The following C16orf87 variants were observed in gnomAD, a reference collection of about 807,000 sequenced individuals.
The protein encoded by C16orf87 is UPF0547 protein C16orf87.
C16orf87 carries 13 observed loss-of-function variants against 21.0 expected under a neutral mutation model. The observed-to-expected ratio is 0.62, with a 90% CI of 0.40 to 0.98. C16orf87 has a LOEUF of 0.98. Among genes scored for constraint, C16orf87 ranks in the 50% least tolerant of loss-of-function variants. The pLI is 0.00. For missense variants in C16orf87, 113 were observed against 180.4 expected, an observed-to-expected ratio of 0.63 and a Z score of 2.14; for synonymous variants, 49 against 60.2, an observed-to-expected ratio of 0.81 and a Z score of 0.86.
chr16:46,803,510 T>C (rs567955465), intron 3 of C16orf87, among the ~76,000 whole-genome samples: 54 of 152,232 alleles, frequency 3.5e-4, no homozygotes, highest in Non-Finnish European at 1.5e-5. Context: ...CGATTACAAA[T>C]GTAATCCAAG....
At chr16:46,830,921 A>C in intron 1 of C16orf87, 163 bp downstream of exon 1, 2 of 408,016 alleles carry the variant, frequency 4.9e-6, no homozygotes, top group Non-Finnish European at 4.3e-6. Context: ...TTTCCCGGGA[A>C]ACCCCTCGGT....
At chr16:46,807,422 G>GA (rs879866943) in intron 3 of C16orf87, among the ~76,000 whole-genome samples, 75 of 137,466 alleles carry the variant, frequency 5.5e-4, no homozygotes, top group South Asian at 2.1e-3. Context: ...ATCTCAGAAG[G>GA]AAAAAAAAAA....
chr16:46,806,053 G>C (rs1334324975), intron 3 of C16orf87, among the ~76,000 whole-genome samples: 1 of 151,956 alleles, frequency 6.6e-6, no homozygotes, highest in East Asian at 1.9e-4. Context: ...GTCCTGGTGG[G>C]CTACTCATAA....
chr16:46,825,473 T>C (rs1257889967), intron 1 of C16orf87, among the ~76,000 whole-genome samples: 2 of 152,322 alleles, frequency 1.3e-5, no homozygotes, highest in South Asian at 2.1e-4. Context: ...TAGGTGTACA[T>C]GTTTATGGGG....
In C16orf87 at chr16:46,810,147, T is replaced by G. The variant is rs557587196; in HGVS notation, c.164-362A>C. ...TGAAATATTAAGAAAGGAAAAAAAC[T>G]GCATGCCCTTTTGCCCTCTACCTGA... On this transcript the variant is annotated intron_variant, in intron 2 of 3. Coordinates refer to ENST00000285697, the MANE Select transcript of C16orf87 (RefSeq NM_001001436.4). 2.6e-5 allele frequency among the ~76,000 whole-genome samples: 4 copies of G among 152,294 alleles called. No individual in the cohort carries two copies. In the East Asian group the frequency reaches 7.7e-4, roughly 29 times the overall value.
intron 1 of C16orf87, 182 bp downstream of exon 1, chr16:46,830,902 C>T (rs1165607153): frequency 1.5e-5 from 6 of 397,176 alleles, no homozygotes; most frequent in Non-Finnish European, 2.2e-5. Flanking sequence ...CGGGCCACGG[C>T]CCCGGGCTTT....
At chr16:46,806,301 A>C (rs996862193) in intron 3 of C16orf87, among the ~76,000 whole-genome samples, 10 of 134,122 alleles carry the variant, frequency 7.5e-5, no homozygotes, top group Non-Finnish European at 1.5e-4. Context: ...CTCTGTCTCC[A>C]GGCTGGAGCA....
At chr16:46,816,078 T>G (rs1968229798) in intron 2 of C16orf87, among the ~76,000 whole-genome samples, 1 of 152,318 alleles carries the variant, frequency 6.6e-6, no homozygotes, top group Admixed American at 6.5e-5. Context: ...GTCATGCATG[T>G]TACAACATGA....
chr16:46,816,972 G>A (rs1169735906), intron 2 of C16orf87, among the ~76,000 whole-genome samples: 3 of 152,330 alleles, frequency 2.0e-5, no homozygotes, highest in Non-Finnish European at 2.9e-5. Context: ...TAAGGTGGAA[G>A]AAAGAGAAGA....
intron 3 of C16orf87, among the ~76,000 whole-genome samples, chr16:46,805,435 C>T (rs896581462): frequency 2.0e-5 from 3 of 152,000 alleles, no homozygotes; most frequent in African/African-American, 7.2e-5. Context: ...GTTCATTTTC[C>T]AACTGGCTTT....
intron 2 of C16orf87, among the ~76,000 whole-genome samples, chr16:46,817,938 A>C (rs1021648675): frequency 1.3e-5 from 2 of 150,812 alleles, no homozygotes; most frequent in African/African-American, 2.4e-5. Context: ...AAAAAAAAAA[A>C]ACCACAAAAA....
Position 46,800,690 on chromosome 16 carries a change from G to GT in C16orf87, c.*2261dup, listed in dbSNP as rs1349000805. ...CTTAGGACATCTGCTGATGACAGAG[G>GT]TTTCTCTGACACCAGTGACAAAGTA... On this transcript the variant is annotated 3_prime_UTR_variant, in exon 4 of 4. Transcript: ENST00000285697. The GT allele has an allele frequency of 6.6e-6, 1 of 152,076 alleles. No homozygotes were observed. The highest frequency in any genetic ancestry group is 1.5e-5 in the Non-Finnish European group (1 of 68,014). The allele number at this position is 152,076 out of a possible 1,614,324, so 9.4% of individuals were successfully genotyped here.
intron 2 of C16orf87, among the ~76,000 whole-genome samples, chr16:46,818,820 G>A (rs909434722): frequency 2.0e-5 from 3 of 152,112 alleles, no homozygotes; most frequent in Admixed American, 6.5e-5. Context: ...CTCCCAAGTA[G>A]CTGAGACAAC....
At chr16:46,820,450 T>A (rs1959374771) in intron 2 of C16orf87, among the ~76,000 whole-genome samples, 1 of 152,242 alleles carries the variant, frequency 6.6e-6, no homozygotes, top group Non-Finnish European at 1.5e-5. Context: ...AACAAGCTCA[T>A]ATCCAAGTAT....
intron 2 of C16orf87, among the ~76,000 whole-genome samples, chr16:46,819,281 C>T (rs1040297726): frequency 1.3e-5 from 2 of 152,068 alleles, no homozygotes; most frequent in African/African-American, 4.8e-5. Context: ...GACAGGGTTT[C>T]GCCATGTTGC....
intron 1 of C16orf87, chr16:46,830,872 C>G: frequency 2.7e-6 from 1 of 370,152 alleles, no homozygotes; most frequent in Non-Finnish European, 4.8e-6. Flanking sequence ...GCCGTCTGGC[C>G]GCCGCCAGGT....
chr16:46,805,467 T>TA (rs1225555045), intron 3 of C16orf87, among the ~76,000 whole-genome samples: 1 of 152,198 alleles, frequency 6.6e-6, no homozygotes, highest in Non-Finnish European at 1.5e-5. Context: ...AATTTCCTTT[T>TA]AAATATCACC....
rs28447050 is a variant in C16orf87 at position 46,802,830 on chromosome 16, C to T, written c.*122G>A. 6.5e-4 allele frequency: 425 copies of T among 650,974 alleles called. No individual in the cohort carries two copies. The highest frequency in any genetic ancestry group is 6.4e-3 in the African/African-American group (350 of 54,728). 40.3% of individuals were successfully genotyped at this position (650,974 alleles called of 1,614,324 possible). A position where few individuals can be genotyped will look rare whatever the true frequency, so the allele number is the denominator to read the frequency against. ...AGTGTGGCACAGGCTAAACGACAGGCGAGAAAGAAACAATCGATGGCCCTT... is the reference window on the plus strand; with the variant it reads ...AGTGTGGCACAGGCTAAACGACAGGTGAGAAAGAAACAATCGATGGCCCTT... On this transcript the variant is annotated 3_prime_UTR_variant, in exon 4 of 4. Transcript: ENST00000285697.
At chr16:46,825,496 G>C (rs1311757680) in intron 1 of C16orf87, among the ~76,000 whole-genome samples, 1 of 152,214 alleles carries the variant, frequency 6.6e-6, no homozygotes, top group East Asian at 1.9e-4. Context: ...CACTAATATA[G>C]ACATGCAATG....
Sources: allele counts gnomAD v4.1 joint callset (sites outside exome capture counted in the v4.1 genomes callset), GRCh38; gene constraint gnomAD v4.1.1; transcripts MANE v1.5; gene names NCBI Gene and HGNC (gene_info 2026-07-23, HGNC 2026-07-21).